Variants in CPA6 observed in about 807,000 individuals in gnomAD.
CPA6 encodes the protein carboxypeptidase B.
CPA6 carries 58 observed loss-of-function variants against 63.3 expected under a neutral mutation model. The ratio of observed to expected loss-of-function variants is 0.92; its 90% CI spans 0.74 to 1.14. The LOEUF is 1.14. CPA6 is among the 50% of genes most tolerant of loss of function. The probability of loss-of-function intolerance (pLI) is 0.00; values close to 1 mark genes in which losing one functional copy is unlikely to be tolerated. For missense variants in CPA6, 565 were observed against 526.6 expected, an observed-to-expected ratio of 1.07 and a Z score of -0.71; for synonymous variants, 185 against 179.0, an observed-to-expected ratio of 1.03 and a Z score of -0.27.
chr8:67,673,403 A>G (rs1298813985), intron 1 of CPA6, among the ~76,000 whole-genome samples: 358 of 113,824 alleles, frequency 3.1e-3, no homozygotes, highest in African/African-American at 0.014. Flanking sequence ...TTTTTTTTTG[A>G]GACTGAATCT....
intron 1 of CPA6, among the ~76,000 whole-genome samples, chr8:67,633,859 T>C (rs2128988640): frequency 6.6e-6 from 1 of 151,738 alleles, no homozygotes. Flanking sequence ...GATAAGACCT[T>C]AAGAATCTTT....
intron 8 of CPA6, among the ~76,000 whole-genome samples, chr8:67,450,518 A>C (rs1051196721): frequency 6.6e-6 from 1 of 152,214 alleles, no homozygotes; most frequent in Admixed American, 6.5e-5. Flanking sequence ...AGGAATTGCT[A>C]TCTTTTATCC....
At chr8:67,569,536 C>A in intron 2 of CPA6, 1 of 454,290 alleles carries the variant, frequency 2.2e-6, no homozygotes, top group Non-Finnish European at 4.5e-6. Context: ...GCTTGAGGAA[C>A]AAAATTCCAC....
At chr8:67,541,429 C>T (rs10429330) in intron 2 of CPA6, among the ~76,000 whole-genome samples, 45,481 of 151,910 alleles carry the variant, frequency 0.3, 7,015 homozygotes, top group South Asian at 0.4. Context: ...CTGATCTAAT[C>T]GGTTGTTTGC....
intron 8 of CPA6, among the ~76,000 whole-genome samples, chr8:67,447,206 T>C (rs759307175): frequency 6.6e-6 from 1 of 152,056 alleles, no homozygotes; most frequent in Non-Finnish European, 1.5e-5. Context: ...CTTGCTTTTT[T>C]CTTCAATGAT....
chr8:67,539,798 A>T (rs1237394816), intron 2 of CPA6, among the ~76,000 whole-genome samples: 6 of 152,020 alleles, frequency 3.9e-5, no homozygotes, highest in Non-Finnish European at 8.8e-5. Context: ...TCAGCTATTG[A>T]TAGTTTTGCA....
chr8:67,510,486 T>G (rs1812020577), intron 4 of CPA6, among the ~76,000 whole-genome samples: 1 of 152,162 alleles, frequency 6.6e-6, no homozygotes. Flanking sequence ...TGTTTTCTAG[T>G]GCATGTTAAC....
At chr8:67,499,868 GTAC>G (rs1587496080) in intron 6 of CPA6, among the ~76,000 whole-genome samples, 1 of 152,172 alleles carries the variant, frequency 6.6e-6, no homozygotes, top group East Asian at 1.9e-4. Flanking sequence ...TGGTATGGAT[GTAC>G]TACAGTTTGT....
At chr8:67,557,478 T>G (rs1214929553) in intron 2 of CPA6, among the ~76,000 whole-genome samples, 1 of 152,222 alleles carries the variant, frequency 6.6e-6, no homozygotes, top group Non-Finnish European at 1.5e-5. Context: ...TTGCATCAGT[T>G]GGCTCTAGTA....
chr8:67,650,350 G>A (rs1042563328), intron 1 of CPA6, among the ~76,000 whole-genome samples: 3 of 152,080 alleles, frequency 2.0e-5, no homozygotes, highest in African/African-American at 7.2e-5. Flanking sequence ...AGCGGGGTTC[G>A]ATCAGGACTC....
intron 2 of CPA6, among the ~76,000 whole-genome samples, chr8:67,600,253 G>A (rs939200889): frequency 1.3e-5 from 2 of 150,564 alleles, no homozygotes; most frequent in Admixed American, 6.6e-5. Context: ...AGTGAAATAA[G>A]CCAGGCACAA....
In CPA6 at chr8:67,717,277, C is replaced by T. The variant is rs183119988; in HGVS notation, c.116+28737G>A. 2.0e-5 allele frequency among the ~76,000 whole-genome samples: 3 copies of T among 152,278 alleles called. No individual in the cohort carries two copies. In the East Asian group the frequency reaches 5.8e-4, roughly 29 times the overall value. On this transcript the variant is annotated intron_variant, in intron 1 of 10. Coordinates refer to ENST00000297770, the MANE Select transcript of CPA6 (RefSeq NM_020361.5). ...ATTGCACAGATGAGAGAAAGGAGCA[C>T]AGCTGCACAGGGGAGGGAAGGAAGA...
intron 1 of CPA6, among the ~76,000 whole-genome samples, chr8:67,673,547 C>T (rs1328028646): frequency 1.4e-5 from 2 of 138,182 alleles, no homozygotes. Context: ...CCACTCACGG[C>T]TAATTTTTTT....
At position 67,506,885 on chromosome 8, in the gene CPA6, C is replaced by G; in HGVS notation, c.538G>C (p.Gly180Arg). Reference sequence around the variant, plus strand: ...GCTCTTTTGAGTCGTGATCGTCTGCCCAGCTGAAAACAAGAGCATTCACAG... The same window carrying G: ...GCTCTTTTGAGTCGTGATCGTCTGCGCAGCTGAAAACAAGAGCATTCACAG... ...EGRSLFILKL[G>R]RRSRLKRAVW... is the part of the protein sequence containing the mutation. Residue 180 changes from glycine to arginine, a missense_variant, in exon 6 of 11, where the codon GGC becomes CGC. Transcript: ENST00000297770. The G allele has an allele frequency of 6.2e-6, 10 of 1,612,208 alleles. No homozygotes were observed. Among genetic ancestry groups the G allele is most frequent in the Non-Finnish European group, 8.5e-6 (10 of 1,178,446 alleles).
chr8:67,573,667 C>T (rs958510931), intron 2 of CPA6, among the ~76,000 whole-genome samples: 2 of 151,730 alleles, frequency 1.3e-5, no homozygotes, highest in African/African-American at 4.8e-5. Flanking sequence ...CCGAGGAGGG[C>T]GGATCACGAG....
chr8:67,530,476 A>C (rs549709297), intron 2 of CPA6, among the ~76,000 whole-genome samples: 1 of 152,322 alleles, frequency 6.6e-6, no homozygotes, highest in Non-Finnish European at 1.5e-5. Flanking sequence ...GTTTCTAGTA[A>C]TACAGAGAAC....
chr8:67,702,081 G>T (rs538748141), intron 1 of CPA6, among the ~76,000 whole-genome samples: 1 of 152,244 alleles, frequency 6.6e-6, no homozygotes, highest in East Asian at 1.9e-4. Flanking sequence ...GGGAAAGACA[G>T]TCTCCCAATA....
chr8:67,637,981 TTGTGTGTGTG>T (rs3055710), intron 1 of CPA6, among the ~76,000 whole-genome samples: 4 of 146,674 alleles, frequency 2.7e-5, no homozygotes, highest in Admixed American at 2.0e-4. Context: ...GCTAGAAATT[TTGTGTGTGTG>T]TGTGTGTGTG....
At chr8:67,627,751 C>A (rs1009315117) in intron 1 of CPA6, among the ~76,000 whole-genome samples, 2 of 152,154 alleles carry the variant, frequency 1.3e-5, no homozygotes, top group Non-Finnish European at 2.9e-5. Flanking sequence ...CATTTTGTTC[C>A]TTTGCCCTAC....
Sources: gnomAD v4.1 joint callset for allele counts (sites outside exome capture counted in the v4.1 genomes callset) on GRCh38, gnomAD v4.1.1 for gene constraint, MANE v1.5 for transcripts, NCBI Gene and HGNC (gene_info 2026-07-23, HGNC 2026-07-21) for gene names.